Variants in ADAMTSL3 observed in about 807,000 individuals in gnomAD.
ADAMTSL3 encodes the protein ADAMTS like 3, also known as ADAMTS-like protein 3.
Under a neutral mutation model 201.7 loss-of-function variants are expected in ADAMTSL3, and 128 were observed. The observed-to-expected ratio is 0.63, with a 90% CI of 0.55 to 0.73. The LOEUF (loss-of-function observed/expected upper bound fraction) is 0.73, where lower values mean the gene tolerates loss of function less well. ADAMTSL3 is among the 30% of genes least tolerant of loss of function. The pLI is 0.00. For missense variants in ADAMTSL3, 1,990 were observed against 2,119.6 expected (o/e 0.94, Z 1.20); for synonymous variants, 738 against 748.4 (o/e 0.99, Z 0.23).
intron 7 of ADAMTSL3, among the ~76,000 whole-genome samples, chr15:83,856,336 A>G (rs2064732372): frequency 6.6e-6 from 1 of 151,520 alleles, no homozygotes; most frequent in East Asian, 2.0e-4. Flanking sequence ...CCCACATTAA[A>G]AAAAAATTAT....
At chr15:83,794,569 A>G (rs1482599241) in intron 4 of ADAMTSL3, among the ~76,000 whole-genome samples, 1 of 152,194 alleles carries the variant, frequency 6.6e-6, no homozygotes, top group Non-Finnish European at 1.5e-5. Flanking sequence ...TAAAGCTTAC[A>G]TACTGTATTT....
chr15:83,879,135 G>T (rs746088088), intron 9 of ADAMTSL3, among the ~76,000 whole-genome samples: 3 of 151,964 alleles, frequency 2.0e-5, no homozygotes, highest in African/African-American at 2.4e-5. Context: ...TTGACTATTT[G>T]TGCCTACTCT....
intron 20 of ADAMTSL3, among the ~76,000 whole-genome samples, chr15:83,977,742 G>T (rs1395617275): frequency 6.6e-6 from 1 of 152,230 alleles, no homozygotes; most frequent in East Asian, 1.9e-4. Flanking sequence ...TCTCTTCCAA[G>T]TAACATTTAA....
intron 16 of ADAMTSL3, among the ~76,000 whole-genome samples, chr15:83,914,557 C>T (rs779556367): frequency 3.3e-5 from 5 of 152,216 alleles, no homozygotes; most frequent in African/African-American, 4.8e-5. Flanking sequence ...TACTGCCTTG[C>T]GGACAGAGTT....
intron 3 of ADAMTSL3, among the ~76,000 whole-genome samples, chr15:83,713,721 G>A (rs1219689893): frequency 6.6e-6 from 1 of 152,230 alleles, no homozygotes; most frequent in Non-Finnish European, 1.5e-5. Context: ...AGGACCAGAT[G>A]TAGAAGCAGT....
rs1484802420 is a variant in ADAMTSL3, at chr15:83,917,433, A to G, written c.1987+4055A>G. Among the ~76,000 whole-genome samples the G allele has an allele frequency of 3.0e-3, 456 of 152,072 alleles. 3 individuals are homozygous for G. The highest frequency in any genetic ancestry group is 0.011 in the African/African-American group (436 of 41,492). On this transcript the variant is annotated intron_variant, in intron 16 of 29. Transcript: ENST00000286744. ...CCAAAGTGTGTGTATGTATGTATGT[A>G]TGTATGTATGTATGTATGTATGTAT...
intron 17 of ADAMTSL3, among the ~76,000 whole-genome samples, chr15:83,927,460 C>A (rs939002082): frequency 6.6e-6 from 1 of 152,126 alleles, no homozygotes; most frequent in African/African-American, 2.4e-5. Flanking sequence ...AATGGATGAA[C>A]CTGTTCACAA....
At chr15:83,699,247 G>C (rs2061732653) in intron 2 of ADAMTSL3, among the ~76,000 whole-genome samples, 1 of 151,926 alleles carries the variant, frequency 6.6e-6, no homozygotes, top group African/African-American at 2.4e-5. Flanking sequence ...ATGTTTTATG[G>C]ACACCTCCAA....
intron 15 of ADAMTSL3, among the ~76,000 whole-genome samples, chr15:83,903,899 C>T (rs185686209): frequency 1.6e-5 from 1 of 61,376 alleles, no homozygotes; most frequent in Non-Finnish European, 2.5e-5. Flanking sequence ...GCCTGGGTGA[C>T]AGTGCCAGAC....
At chr15:83,954,222 A>T (rs2066810796) in intron 19 of ADAMTSL3, among the ~76,000 whole-genome samples, 4 of 151,888 alleles carry the variant, frequency 2.6e-5, no homozygotes, top group Non-Finnish European at 5.9e-5. Flanking sequence ...ATTATTTTTT[A>T]TTCTTTTTTC....
chr15:83,807,826 A>G (rs1033015018), intron 5 of ADAMTSL3, among the ~76,000 whole-genome samples: 4 of 152,232 alleles, frequency 2.6e-5, no homozygotes, highest in East Asian at 1.9e-4. Context: ...GAGTCCAGAA[A>G]TAAGTCCACA....
intron 7 of ADAMTSL3, among the ~76,000 whole-genome samples, chr15:83,843,631 A>G (rs923415792): frequency 2.0e-5 from 3 of 152,212 alleles, no homozygotes; most frequent in African/African-American, 7.2e-5. Flanking sequence ...TGGAGCCTGC[A>G]GAATCTACGC....
chr15:83,747,916 G>A (rs2062573703), intron 3 of ADAMTSL3, among the ~76,000 whole-genome samples: 1 of 151,254 alleles, frequency 6.6e-6, no homozygotes, highest in African/African-American at 2.4e-5. Flanking sequence ...GATCTGGCAG[G>A]TCCAGACTCC....
At chr15:83,740,964 G>T (rs1249684271) in intron 3 of ADAMTSL3, among the ~76,000 whole-genome samples, 4 of 151,982 alleles carry the variant, frequency 2.6e-5, no homozygotes, top group Non-Finnish European at 5.9e-5. Context: ...TTATTCCTTA[G>T]AAAGACACCA....
chr15:84,006,941 G>A (rs1266321158), intron 23 of ADAMTSL3, among the ~76,000 whole-genome samples: 1 of 152,188 alleles, frequency 6.6e-6, no homozygotes, highest in Non-Finnish European at 1.5e-5. Flanking sequence ...AATGGGAGAT[G>A]TCCAGGAGTC....
chr15:83,692,921 A>G (rs2061632525), intron 2 of ADAMTSL3, among the ~76,000 whole-genome samples: 1 of 152,084 alleles, frequency 6.6e-6, no homozygotes, highest in South Asian at 2.1e-4. Context: ...AGCCACACAG[A>G]CGAGCTGTTT....
intron 6 of ADAMTSL3, among the ~76,000 whole-genome samples, chr15:83,831,708 C>T (rs769775379): frequency 2.6e-5 from 4 of 152,034 alleles, no homozygotes; most frequent in Admixed American, 1.3e-4. Context: ...CAGATTCTTC[C>T]GTAGAAATCC....
At chr15:84,036,636 A>C in intron 28 of ADAMTSL3, 137 bp from the exon 29 acceptor site, 1 of 645,496 alleles carries the variant, frequency 1.5e-6, no homozygotes, top group Non-Finnish European at 2.6e-6. Context: ...AAGCAGAGGA[A>C]TGTCTTGGTC....
At chr15:83,875,723 C>T (rs2065164415) in intron 9 of ADAMTSL3, among the ~76,000 whole-genome samples, 1 of 152,114 alleles carries the variant, frequency 6.6e-6, no homozygotes, top group Non-Finnish European at 1.5e-5. Context: ...GTGGAGGTTG[C>T]AGTGAGCCGA....
Sources: gnomAD v4.1 joint callset for allele counts (sites outside exome capture counted in the v4.1 genomes callset) on GRCh38, gnomAD v4.1.1 for gene constraint, MANE v1.5 for transcripts, NCBI Gene and HGNC (gene_info 2026-07-23, HGNC 2026-07-21) for gene names.